ITPRIPL1: variants seen among roughly 807,000 people sequenced by gnomAD.
The protein encoded by ITPRIPL1 is ITPRIP like 1.
In ITPRIPL1, 28 loss-of-function variants were observed where a neutral mutation model predicts 40.0. The observed-to-expected ratio is 0.70, with a 90% CI of 0.52 to 0.96. The LOEUF (loss-of-function observed/expected upper bound fraction) is 0.96. Ranked by LOEUF, ITPRIPL1 falls within the 40% of genes least tolerant of loss-of-function variation. The probability of loss-of-function intolerance (pLI) is 0.00; values close to 1 mark genes in which losing one functional copy is unlikely to be tolerated. For missense variants in ITPRIPL1, 638 were observed against 698.0 expected, an observed-to-expected ratio of 0.91 and a Z score of 0.97; for synonymous variants, 251 against 275.7, an observed-to-expected ratio of 0.91 and a Z score of 0.89.
Position 96,326,579 on chromosome 2 carries a change from G to A in ITPRIPL1, c.11-63G>A, listed in dbSNP as rs1466518214. 2.5e-6 allele frequency: 4 copies of A among 1,604,574 alleles called. No individual in the cohort carries two copies. In the East Asian group the frequency reaches 8.9e-5, roughly 36 times the overall value. On this transcript the variant is annotated intron_variant, in intron 2 of 2. Transcript: ENST00000439118. ...TTGGGGTACCAGGGCTCTGGGGAAT[G>A]TGAGCTAGAGAGCAGATAAGTCTGG...
At chr2:96,329,348 A>G (rs2064145215), downstream of ITPRIPL1, 1 of 151,812 alleles carries the variant, frequency 6.6e-6, no homozygotes. Context: ...GAGATAATGT[A>G]TTTACCATAA....
Position 96,327,167 on chromosome 2 carries a change from C to T in ITPRIPL1, c.536C>T (p.Ala179Val). ...TTTTACAAACACTATGTCCAAAATGCCATCCGTGACCTGCCCTGCACCTGT... is the reference window on the plus strand; with the variant it reads ...TTTTACAAACACTATGTCCAAAATGTCATCCGTGACCTGCCCTGCACCTGT... ...DSFYKHYVQNAIRDLPCTCEF... is the reference protein window; with the variant it reads ...DSFYKHYVQNVIRDLPCTCEF... Residue 179 changes from alanine to valine, a missense_variant, in exon 3 of 3, where the codon GCC (alanine) becomes GTC (valine). Coordinates refer to ENST00000439118, the MANE Select transcript of ITPRIPL1 (RefSeq NM_001008949.3). The T allele has an allele frequency of 6.2e-7, 1 of 1,614,186 alleles. No homozygotes were observed. Among genetic ancestry groups the T allele is most frequent in the Non-Finnish European group, 8.5e-7 (1 of 1,180,034 alleles).
rs769471092 is a variant in ITPRIPL1, at chr2:96,325,830, A to G, written c.-10A>G. On this transcript the variant is annotated 5_prime_UTR_variant, in exon 2 of 3. Transcript: ENST00000439118. ...CAGCTGGCTTCAGCGTCCACACGGCATAGTCCTTCATGAATGTTGGTAAGC... is the reference window on the plus strand; with the variant it reads ...CAGCTGGCTTCAGCGTCCACACGGCGTAGTCCTTCATGAATGTTGGTAAGC... The G allele has an allele frequency of 6.2e-7, 1 of 1,613,924 alleles. No individual in the cohort carries two copies. Among genetic ancestry groups the G allele is most frequent in the African/African-American group, 1.3e-5 (1 of 75,030 alleles).
rs779651542 is a variant in ITPRIPL1 at position 96,328,167 on chromosome 2, T to C, written c.1536T>C (p.Asn512=). The C allele has an allele frequency of 1.9e-6, 3 of 1,614,176 alleles. No homozygotes were observed. Among genetic ancestry groups the C allele is most frequent in the Non-Finnish European group, 2.5e-6 (3 of 1,180,046 alleles). ...LTIPIPKTFR[N]AEPVNLFQHL... The stretch of plus-strand genomic sequence containing the variant: ...TCCCAATCCCTAAGACATTTAGGAA[T>C]GCTGAGCCGGTCAATCTCTTCCAAC... Residue 512 remains asparagine, a synonymous_variant, in exon 3 of 3, where the codon AAT becomes AAC. Transcript: ENST00000439118.
chr2:96,327,131 C>T lies in ITPRIPL1; in HGVS notation c.500C>T (p.Ala167Val). ...CTTACTGACTTCCCCTCCCAGGAGG[C>T]CCTGGACTCCTTTTACAAACACTAT... ...NWLTDFPSQE[A>V]LDSFYKHYVQ... The change falls in exon 3 of 3, where the codon GCC (alanine) becomes GTC (valine). Residue 167 changes from alanine to valine, a missense_variant. Transcript: ENST00000439118. The T allele has an allele frequency of 6.2e-7, 1 of 1,614,198 alleles. No individual in the cohort carries two copies. The highest frequency in any genetic ancestry group is 1.1e-5 in the South Asian group (1 of 91,086).
chr2:96,327,092 C>T lies in ITPRIPL1; in HGVS notation c.461C>T (p.Thr154Ile), dbSNP rs1432953844. 3 of 1,614,226 alleles carry T rather than the reference C, an allele frequency of 1.9e-6. No individual in the cohort carries two copies. The highest frequency in any genetic ancestry group is 2.5e-6 in the Non-Finnish European group (3 of 1,180,036). ...GAGGAAGTCCGTGTTGTCCCTGTCA[C>T]CTCTTACAACTGGCTTACTGACTTC... is the stretch of plus-strand genomic sequence containing the variant. ...EEEEVRVVPVTSYNWLTDFPS... is the reference protein window; with the variant it reads ...EEEEVRVVPVISYNWLTDFPS... Residue 154 changes from threonine to isoleucine, a missense_variant, in exon 3 of 3, where the codon ACC (threonine) becomes ATC (isoleucine). Thr to Ile is a moderately conservative substitution (Grantham distance 89). Transcript: ENST00000439118.
chr2:96,327,889 C>A lies in ITPRIPL1; in HGVS notation c.1258C>A (p.Leu420Ile). The A allele has an allele frequency of 6.2e-7, 1 of 1,614,074 alleles. No individual in the cohort carries two copies. Among genetic ancestry groups the A allele is most frequent in the South Asian group, 1.1e-5 (1 of 91,052 alleles). The change falls in exon 3 of 3, where the codon CTC (leucine) becomes ATC (isoleucine). Residue 420 changes from leucine to isoleucine, a missense_variant. Physicochemically the swap from Leu to Ile is conservative, Grantham distance 5 (BLOSUM62 2). Coordinates refer to ENST00000439118, the MANE Select transcript of ITPRIPL1 (RefSeq NM_001008949.3). ...GRFAPENTCH[L>I]KCLQIILSLR... ...CTTTGCCCCCGAGAACACCTGTCAC[C>A]TCAAGTGCCTCCAGATCATTTTAAG...
downstream of ITPRIPL1, chr2:96,328,358 A>G (rs1432208599): frequency 1.3e-6 from 2 of 1,519,914 alleles, no homozygotes; most frequent in African/African-American, 1.4e-5. Context: ...GGGCTACAAA[A>G]GTGTTTACTT....
rs1224228836 is a variant in ITPRIPL1, at chr2:96,327,256, G to A, written c.625G>A (p.Ala209Thr). ...EACRVLSRQE[A>T]HPQLEDCLGI... ...CTGTCGGGTGCTCAGCCGCCAAGAG[G>A]CTCACCCACAATTGGAAGACTGCCT... The change falls in exon 3 of 3, where the codon GCT becomes ACT. Residue 209 changes from alanine (A) to threonine (T), a missense_variant. Ala to Thr is a moderately conservative substitution (Grantham distance 58). Coordinates refer to ENST00000439118, the MANE Select transcript of ITPRIPL1 (RefSeq NM_001008949.3). 1 of 1,614,106 alleles carries A rather than the reference G, an allele frequency of 6.2e-7. No homozygotes were observed. The highest frequency in any genetic ancestry group is 8.5e-7 in the Non-Finnish European group (1 of 1,180,024).
chr2:96,328,187 T>C lies in ITPRIPL1; in HGVS notation c.1556T>C (p.Phe519Ser). The change falls in exon 3 of 3, where the codon TTC (phenylalanine) becomes TCC (serine). Residue 519 changes from phenylalanine (F) to serine (S), a missense_variant. Phe to Ser is a radical substitution (Grantham distance 155). Transcript: ENST00000439118. ...TFRNAEPVNL[F>S]QHLVLNPKAH... ...AGGAATGCTGAGCCGGTCAATCTCT[T>C]CCAACACCTGGTGCTCAACCCCAAG... 6.2e-7 allele frequency: 1 copy of C among 1,614,028 alleles called. No homozygotes were observed. Among genetic ancestry groups the C allele is most frequent in the South Asian group, 1.1e-5 (1 of 91,076 alleles).
chr2:96,326,948 G>C lies in ITPRIPL1; in HGVS notation c.317G>C (p.Gly106Ala). The C allele has an allele frequency of 6.2e-7, 1 of 1,614,250 alleles. No homozygotes were observed. The highest frequency in any genetic ancestry group is 1.1e-5 in the South Asian group (1 of 91,084). ...FQADGQEGPLGWMLGNLWNTG... is the reference protein window; with the variant it reads ...FQADGQEGPLAWMLGNLWNTG... ...GCCGATGGCCAGGAAGGGCCTCTGG[G>C]CTGGATGCTGGGAAACCTGTGGAAC... Residue 106 changes from glycine (G) to alanine (A), a missense_variant, in exon 3 of 3, where the codon GGC becomes GCC. Physicochemically the swap from Gly to Ala is moderately conservative, Grantham distance 60. Transcript: ENST00000439118.
Position 96,325,751 on chromosome 2 carries a change from C to T in ITPRIPL1, c.-89C>T. ...GTACCTTGTACATTTTAACAGGGCT[C>T]CTAGAGAGGGCGGGGAGACGAAGCA... On this transcript the variant is annotated 5_prime_UTR_variant, in exon 2 of 3. Transcript: ENST00000439118. 2 of 1,362,996 alleles carry T rather than the reference C, an allele frequency of 1.5e-6. No individual in the cohort carries two copies. The highest frequency in any genetic ancestry group is 2.1e-6 in the Non-Finnish European group (2 of 951,658). 84.4% of individuals were successfully genotyped at this position (1,362,996 alleles called of 1,614,324 possible). A position where few individuals can be genotyped will look rare whatever the true frequency, so the allele number is the denominator to read the frequency against.
rs1176505802 is a variant in ITPRIPL1, at chr2:96,325,775, C to G, written c.-65C>G. The G allele has an allele frequency of 1.3e-6, 2 of 1,581,318 alleles. No homozygotes were observed. The highest frequency in any genetic ancestry group is 1.3e-5 in the African/African-American group (1 of 74,270). Reference sequence around the variant, plus strand: ...TCCTAGAGAGGGCGGGGAGACGAAGCAAGGCCAAGTTCCAAAGGGAGGATA... The same window carrying G: ...TCCTAGAGAGGGCGGGGAGACGAAGGAAGGCCAAGTTCCAAAGGGAGGATA... On this transcript the variant is annotated 5_prime_UTR_variant, in exon 2 of 3. Coordinates refer to ENST00000439118, the MANE Select transcript of ITPRIPL1 (RefSeq NM_001008949.3).
chr2:96,328,507 G>T (rs1465259573), downstream of ITPRIPL1: 4 of 509,362 alleles, frequency 7.9e-6, no homozygotes, highest in Non-Finnish European at 1.4e-5. Context: ...GTCATCTGAG[G>T]TTTTCTTCTG....
chr2:96,326,379 T>C, intron 2 of ITPRIPL1: 3 of 1,518,188 alleles, frequency 2.0e-6, no homozygotes, highest in Non-Finnish European at 2.6e-6. Context: ...CATGTACACT[T>C]TCTGGAAGCC....
rs1218473410 is a variant in ITPRIPL1, at chr2:96,325,511, A to G, written c.-148A>G. On this transcript the variant is annotated 5_prime_UTR_variant, in exon 1 of 3. Transcript: ENST00000439118. The stretch of plus-strand genomic sequence containing the variant: ...GCCCCCACCCTGCCGGGAAAAAAGC[A>G]GTGGCGGTCAGGCCGCGCTGTCTCT... 2.3e-6 allele frequency: 1 copy of G among 436,528 alleles called. No individual in the cohort carries two copies. The highest frequency in any genetic ancestry group is 4.2e-6 in the Non-Finnish European group (1 of 238,282). 27.0% of individuals were successfully genotyped at this position (436,528 alleles called of 1,614,324 possible).
At chr2:96,328,391 G>C, downstream of ITPRIPL1, 2 of 1,313,390 alleles carry the variant, frequency 1.5e-6, no homozygotes, top group Non-Finnish European at 2.1e-6. Flanking sequence ...AGTGGTATAT[G>C]TGACCTTCAC....
At position 96,325,779 on chromosome 2, in the gene ITPRIPL1, G is replaced by A. The variant is rs1362536276; in HGVS notation, c.-61G>A. ...AGAGAGGGCGGGGAGACGAAGCAAG[G>A]CCAAGTTCCAAAGGGAGGATAGGCC... is the stretch of plus-strand genomic sequence containing the variant. On this transcript the variant is annotated 5_prime_UTR_variant, in exon 2 of 3. Transcript: ENST00000439118. The A allele has an allele frequency of 1.3e-6, 2 of 1,593,860 alleles. No homozygotes were observed. Among genetic ancestry groups the A allele is most frequent in the Admixed American group, 1.7e-5 (1 of 59,966 alleles).
At chr2:96,329,854 G>A (rs1425156341), downstream of ITPRIPL1, 2 of 152,006 alleles carry the variant, frequency 1.3e-5, no homozygotes, top group Non-Finnish European at 2.9e-5. Context: ...TGCTGGGGAG[G>A]GTAACCTGTC....
Sources: allele counts gnomAD v4.1 joint callset, GRCh38; gene constraint gnomAD v4.1.1; transcripts MANE v1.5; gene names NCBI Gene and HGNC (gene_info 2026-07-23, HGNC 2026-07-21).